FBN3: variants seen among roughly 807,000 people sequenced by gnomAD.
FBN3 encodes fibrillin 3.
FBN3 carries 234 observed loss-of-function variants against 330.1 expected under a neutral mutation model. That is an observed-to-expected ratio of 0.71 (90% CI 0.64 to 0.79). FBN3 has a LOEUF of 0.79. Among genes scored for constraint, FBN3 ranks in the 30% least tolerant of loss-of-function variants. The pLI, the probability that FBN3 is intolerant of heterozygous loss-of-function variation, is 0.00. For synonymous variants in FBN3, 1,458 were observed against 1,517.3 expected (o/e 0.96, Z 0.91); for missense variants, 3,606 against 3,886.9 (o/e 0.93, Z 1.92).
At chr19:8,146,323 C>T in intron 3 of FBN3, 98 bp from the exon 4 acceptor site, 1 of 962,242 alleles carries the variant, frequency 1.0e-6, no homozygotes, top group East Asian at 2.6e-5. Flanking sequence ...TCAGTGGACG[C>T]TGCTGGTCAT....
chr19:8,097,387 G>A lies in FBN3; in HGVS notation c.5189C>T (p.Ala1730Val). Reference sequence around the variant, plus strand: ...TATGCAGATGCCATTGGCACAGATGGCGGGGATCTCCCCACACTCATCAAT... The same window carrying A: ...TATGCAGATGCCATTGGCACAGATGACGGGGATCTCCCCACACTCATCAAT... ...LDIDECGEIP[A>V]ICANGICINQ... Residue 1730 changes from alanine (A) to valine (V), a missense_variant, in exon 42 of 64, where the codon GCC becomes GTC. Ala to Val is a moderately conservative substitution (Grantham distance 64). Transcript: ENST00000600128. The A allele has an allele frequency of 3.7e-6, 6 of 1,604,442 alleles. No homozygotes were observed. Among genetic ancestry groups the A allele is most frequent in the Non-Finnish European group, 5.1e-6 (6 of 1,172,164 alleles).
At chr19:8,068,177 G>GA (rs1247859881) in intron 63 of FBN3, among the ~76,000 whole-genome samples, 8 of 151,386 alleles carry the variant, frequency 5.3e-5, no homozygotes, top group African/African-American at 1.9e-4. Context: ...ACGAGGTCAG[G>GA]AGATTGAGAC....
Position 8,131,476 on chromosome 19 carries a change from G to T in FBN3, c.1990+78C>A. ...AGAGCCCCCACTCCATGGCAGCCAT[G>T]ACCCCCCACCAGAAGCGAGAACCGA... On this transcript the variant is annotated intron_variant, in intron 15 of 63. Coordinates refer to ENST00000600128, the MANE Select transcript of FBN3 (RefSeq NM_032447.5). The surrounding 1 kb of genome is among the most constrained non-coding windows in gnomAD (Gnocchi z 4.5). 3.9e-6 allele frequency: 6 copies of T among 1,531,232 alleles called. No individual in the cohort carries two copies. Among genetic ancestry groups the T allele is most frequent in the South Asian group, 2.5e-5 (2 of 80,048 alleles). 94.9% of individuals were successfully genotyped at this position (1,531,232 alleles called of 1,614,324 possible). A position where few individuals can be genotyped will look rare whatever the true frequency, so the allele number is the denominator to read the frequency against.
At position 8,145,977 on chromosome 19, in the gene FBN3, T is replaced by C. The variant is rs371123388; in HGVS notation, c.350-39A>G. 1.8e-5 allele frequency: 27 copies of C among 1,532,684 alleles called. No homozygotes were observed. In the African/African-American group the frequency reaches 3.2e-4, roughly 18 times the overall value. 94.9% of individuals were successfully genotyped at this position (1,532,684 alleles called of 1,614,324 possible). On this transcript the variant is annotated intron_variant, in intron 4 of 63. Coordinates refer to ENST00000600128, the MANE Select transcript of FBN3 (RefSeq NM_032447.5). The stretch of plus-strand genomic sequence containing the variant: ...GGCAGGACGCATAGTAATGTGGAGA[T>C]GGGCCCCGAGATGCCCTCCTAGGAA...
At chr19:8,067,092 G>C (rs1011049670) in intron 63 of FBN3, among the ~76,000 whole-genome samples, 7 of 151,376 alleles carry the variant, frequency 4.6e-5, no homozygotes, top group Admixed American at 2.6e-4. Context: ...CAGGAGGATT[G>C]CTTGAGGACA....
chr19:8,112,945 CA>C (rs2082624015), intron 30 of FBN3, among the ~76,000 whole-genome samples: 1 of 152,236 alleles, frequency 6.6e-6, no homozygotes. Context: ...TTCTAATACA[CA>C]TTAAAATAAC....
chr19:8,111,303 C>G, intron 32 of FBN3, 120 bp from the exon 33 acceptor site: 1 of 1,283,362 alleles, frequency 7.8e-7, no homozygotes, highest in Non-Finnish European at 1.1e-6. Context: ...GCAAGTAGCC[C>G]TGGGGACTCA....
chr19:8,081,261 G>T, intron 58 of FBN3, 97 bp downstream of exon 58: 2 of 1,498,456 alleles, frequency 1.3e-6, no homozygotes, highest in Non-Finnish European at 1.8e-6. Context: ...ATGCAGATGG[G>T]AGGGGGTGAG....
In FBN3 at chr19:8,089,681, C is replaced by T. The variant is rs772385690; in HGVS notation, c.6251-11G>A. 6.2e-7 allele frequency: 1 copy of T among 1,613,526 alleles called. No individual in the cohort carries two copies. The highest frequency in any genetic ancestry group is 8.5e-7 in the Non-Finnish European group (1 of 1,179,698). On this transcript the variant is annotated splice_polypyrimidine_tract_variant and intron_variant, in intron 50 of 63. Transcript: ENST00000600128. ...CACACTCATTCACGTCTGCGGATGG[C>T]AGGCGTTGCAGACATGGCTTCTGTC...
intron 22 of FBN3, among the ~76,000 whole-genome samples, chr19:8,125,429 A>G (rs1022539050): frequency 5.3e-5 from 8 of 149,722 alleles, no homozygotes; most frequent in South Asian, 2.1e-4. Context: ...AAAAGAAAAA[A>G]AAACCCACCC....
At chr19:8,135,936 G>GTCCCC in intron 13 of FBN3, 25 bp downstream of exon 13, 28 of 668,766 alleles carry the variant, frequency 4.2e-5, no homozygotes, top group South Asian at 1.5e-4. Flanking sequence ...GGAAGCCCCT[G>GTCCCC]CCCACCCGCC....
At chr19:8,111,019 TACCC>T (rs2082568234) in intron 33 of FBN3, 35 bp downstream of exon 33, 1 of 1,613,892 alleles carries the variant, frequency 6.2e-7, no homozygotes, top group South Asian at 1.1e-5. Flanking sequence ...AGGGGGGACC[TACCC>T]ACTCTGTCCT....
intron 18 of FBN3, among the ~76,000 whole-genome samples, chr19:8,127,073 T>A (rs1422081277): frequency 6.7e-6 from 1 of 150,162 alleles, no homozygotes; most frequent in Non-Finnish European, 1.5e-5. Flanking sequence ...TTTTTTTTTT[T>A]TTGAGACAGA....
intron 22 of FBN3, among the ~76,000 whole-genome samples, chr19:8,124,231 T>C (rs2082926155): frequency 6.6e-6 from 1 of 152,048 alleles, no homozygotes; most frequent in Non-Finnish European, 1.5e-5. Flanking sequence ...TTTTTTTACG[T>C]GATTGATTCA....
intron 6 of FBN3, among the ~76,000 whole-genome samples, chr19:8,143,497 C>T (rs78022282): frequency 0.01 from 1,295 of 126,034 alleles, 40 homozygotes; most frequent in African/African-American, 0.038. Context: ...CTTTTCTTTT[C>T]TTTTTTTTTT....
chr19:8,144,730 T>C, intron 6 of FBN3, 147 bp downstream of exon 6: 1 of 597,418 alleles, frequency 1.7e-6, no homozygotes. Context: ...GATGAGCAAA[T>C]GAAAGAAATG....
chr19:8,111,168 G>C lies in FBN3; in HGVS notation c.4100C>G (p.Ala1367Gly), dbSNP rs1234923097. 6.2e-7 allele frequency: 1 copy of C among 1,605,328 alleles called. No homozygotes were observed. The highest frequency in any genetic ancestry group is 8.5e-7 in the Non-Finnish European group (1 of 1,175,654). The change falls in exon 33 of 64, where the codon GCC becomes GGC. Residue 1367 changes from alanine (A) to glycine (G), a missense_variant. Transcript: ENST00000600128. Reference sequence around the variant, plus strand: ...GTTGTCACAGAGGTCCACGTTCTCGGCACATTCATCCCTGTCTGAGGGGCC... The same window carrying C: ...GTTGTCACAGAGGTCCACGTTCTCGCCACATTCATCCCTGTCTGAGGGGCC... Reference protein sequence around the residue: ...GFFCEDRDECAENVDLCDNGQ... With the variant: ...GFFCEDRDECGENVDLCDNGQ...
At chr19:8,103,983 A>T (rs545900014) in intron 38 of FBN3, among the ~76,000 whole-genome samples, 1 of 151,850 alleles carries the variant, frequency 6.6e-6, no homozygotes, top group South Asian at 2.1e-4. Flanking sequence ...TAAAAATTTT[A>T]AAAAATTAGC....
At chr19:8,095,091 C>CCT (rs1243954938) in intron 46 of FBN3, among the ~76,000 whole-genome samples, 1 of 152,142 alleles carries the variant, frequency 6.6e-6, no homozygotes, top group East Asian at 1.9e-4. Context: ...CCTGCCCCAG[C>CCT]CTCCTGAGTA....
Sources: allele counts gnomAD v4.1 joint callset (sites outside exome capture counted in the v4.1 genomes callset), GRCh38; gene constraint gnomAD v4.1.1; non-coding constraint Gnocchi (gnomAD v3.1); transcripts MANE v1.5; gene names NCBI Gene and HGNC (gene_info 2026-07-23, HGNC 2026-07-21).